The following MCTP1 variants were observed in gnomAD, a reference collection of about 807,000 sequenced individuals.
MCTP1 encodes multiple C2 and transmembrane domain containing 1, also known as multiple C2 and transmembrane domain-containing protein 1.
A neutral mutation model predicts 120.6 loss-of-function variants in MCTP1; 69 were observed. The observed-to-expected ratio is 0.57, with a 90% confidence interval of 0.47 to 0.70. The LOEUF (loss-of-function observed/expected upper bound fraction) is 0.70, where lower values mean the gene tolerates loss of function less well. Ranked by LOEUF, MCTP1 falls within the 30% of genes least tolerant of loss-of-function variation. The pLI, the probability that MCTP1 is intolerant of heterozygous loss-of-function variation, is 0.00. For missense variants in MCTP1, 1,203 were observed against 1,248.8 expected, an observed-to-expected ratio of 0.96 and a Z score of 0.55; for synonymous variants, 529 against 493.1, an observed-to-expected ratio of 1.07 and a Z score of -0.96.
chr5:94,882,697 GATTA>G lies in MCTP1; in HGVS notation c.1933+6178_1933+6181del, dbSNP rs576602533. ...TTGTAATCTTTGTTCTACAGAACCT[GATTA>G]ATTATTTTATAGTATTTCTCTTTCC... On this transcript the variant is annotated intron_variant, in intron 12 of 22. Transcript: ENST00000515393. 1.5e-3 allele frequency among the ~76,000 whole-genome samples: 233 copies of G among 152,160 alleles called. 3 individuals carry two copies. Among genetic ancestry groups the G allele is most frequent in the African/African-American group, 4.4e-3 (182 of 41,544 alleles).
intron 1 of MCTP1, among the ~76,000 whole-genome samples, chr5:95,172,886 A>T (rs10035775): frequency 0.016 from 2,414 of 152,260 alleles, 59 homozygotes; most frequent in African/African-American, 0.055. Context: ...CACAATAAAC[A>T]CCCTAGAGCT....
intron 5 of MCTP1, 51 bp downstream of exon 5, chr5:94,940,033 T>A (rs374089627): frequency 1.8e-6 from 2 of 1,086,014 alleles, no homozygotes; most frequent in South Asian, 2.9e-5. Context: ...AGAGAAAGGC[T>A]CACAACTTTC....
intron 12 of MCTP1, among the ~76,000 whole-genome samples, chr5:94,886,759 C>T (rs768331732): frequency 1.3e-5 from 2 of 152,034 alleles, no homozygotes; most frequent in African/African-American, 2.4e-5. Context: ...TCCACTGAGA[C>T]GCACATCATA....
chr5:95,081,296 T>C (rs1406347671), intron 1 of MCTP1: 45 of 671,512 alleles, frequency 6.7e-5, no homozygotes, highest in Admixed American at 5.8e-4. Context: ...AAATTATCTG[T>C]ATTAGAATCT....
intron 1 of MCTP1, among the ~76,000 whole-genome samples, chr5:95,077,984 T>C (rs1444406596): frequency 7.0e-6 from 1 of 142,860 alleles, no homozygotes; most frequent in East Asian, 2.2e-4. Flanking sequence ...ACATGAGTCA[T>C]GACTCAACAG....
chr5:95,213,189 C>G (rs1402836949), intron 1 of MCTP1, among the ~76,000 whole-genome samples: 3 of 152,004 alleles, frequency 2.0e-5, no homozygotes, highest in Admixed American at 6.6e-5. Context: ...AATCAGTGCA[C>G]AAAATCACAA....
intron 12 of MCTP1, among the ~76,000 whole-genome samples, chr5:94,874,660 C>T (rs1021884481): frequency 3.3e-5 from 5 of 152,000 alleles, no homozygotes; most frequent in African/African-American, 1.2e-4. Flanking sequence ...TTCCTCCAAT[C>T]GTCTTTATCC....
At chr5:94,796,198 A>G (rs933217483) in intron 18 of MCTP1, among the ~76,000 whole-genome samples, 7 of 152,202 alleles carry the variant, frequency 4.6e-5, no homozygotes, top group Admixed American at 1.3e-4. Flanking sequence ...TACAGACCTG[A>G]AGGTCATTTT....
In MCTP1 at chr5:94,792,010, C is replaced by T. The variant is rs78381630; in HGVS notation, c.2556+7003G>A. On this transcript the variant is annotated intron_variant, in intron 18 of 22. Coordinates refer to ENST00000515393, the MANE Select transcript of MCTP1 (RefSeq NM_024717.7). ...AAGACCATCCCAGGATGATGCACCC[C>T]ATAAGAGTACAGCCTTGCAGGGGCT... 4.8e-3 allele frequency: 736 copies of T among 152,506 alleles called. 2 individuals carry two copies. The highest frequency in any genetic ancestry group is 8.4e-3 in the Non-Finnish European group (572 of 68,172). 9.4% of individuals were successfully genotyped at this position (152,506 alleles called of 1,614,324 possible). A position where few individuals can be genotyped will look rare whatever the true frequency, so the allele number is the denominator to read the frequency against.
At chr5:94,795,908 T>C (rs1200778090) in intron 18 of MCTP1, among the ~76,000 whole-genome samples, 2 of 152,240 alleles carry the variant, frequency 1.3e-5, no homozygotes, top group Non-Finnish European at 2.9e-5. Flanking sequence ...GGATTACATC[T>C]GATTTTGCTC....
At chr5:95,010,921 C>G (rs1414248932) in intron 2 of MCTP1, among the ~76,000 whole-genome samples, 1 of 152,108 alleles carries the variant, frequency 6.6e-6, no homozygotes, top group East Asian at 1.9e-4. Flanking sequence ...GCTAGGATAA[C>G]TGATGTCATA....
intron 17 of MCTP1, chr5:94,867,461 G>A: frequency 5.8e-6 from 5 of 869,560 alleles, no homozygotes; most frequent in Non-Finnish European, 3.7e-6. Flanking sequence ...ATGTTGATTT[G>A]TTACTATAAT....
chr5:95,284,137 G>A lies in MCTP1; in HGVS notation c.439C>T (p.Pro147Ser), dbSNP rs1186880200. 6.4e-7 allele frequency: 1 copy of A among 1,554,360 alleles called. No individual in the cohort carries two copies. The highest frequency in any genetic ancestry group is 8.7e-7 in the Non-Finnish European group (1 of 1,149,438). ...AAASGAAGGTPPGGRSPDSAP... is the reference protein window; with the variant it reads ...AAASGAAGGTSPGGRSPDSAP... ...GAGTCGGGGGAGCGTCCGCCAGGAG[G>A]CGTCCCTCCCGCTGCTCCCGAGGCC... is the stretch of plus-strand genomic sequence containing the variant. Residue 147 changes from proline to serine, a missense_variant, in exon 1 of 23, where the codon CCT becomes TCT. Around this residue, in one of 2 missense-constraint regions of MCTP1, gnomAD observed 463 missense variants for 377.8 expected, o/e 1.23. Coordinates refer to ENST00000515393, the MANE Select transcript of MCTP1 (RefSeq NM_024717.7). The surrounding 1 kb of genome is among the most constrained non-coding windows in gnomAD (Gnocchi z 5.2).
At chr5:95,262,798 A>T (rs1245684288) in intron 1 of MCTP1, among the ~76,000 whole-genome samples, 2 of 152,226 alleles carry the variant, frequency 1.3e-5, no homozygotes, top group Non-Finnish European at 2.9e-5. Context: ...TATTAAAAAA[A>T]TAAAAAATAA....
intron 1 of MCTP1, among the ~76,000 whole-genome samples, chr5:95,057,666 C>T (rs967586513): frequency 6.6e-6 from 1 of 152,066 alleles, no homozygotes; most frequent in African/African-American, 2.4e-5. Flanking sequence ...GAATAGTCTC[C>T]CTTTATAAGC....
chr5:94,853,716 C>T (rs765258325), intron 17 of MCTP1, among the ~76,000 whole-genome samples: 2 of 151,926 alleles, frequency 1.3e-5, no homozygotes, highest in Non-Finnish European at 2.9e-5. Flanking sequence ...TACTCTACTG[C>T]TCTACTTGCT....
In MCTP1 at chr5:95,057,522, G is replaced by C. The variant is rs181108894; in HGVS notation, c.721-40038C>G. ...CACAAGCCACTTAGCAAATAAGAAA[G>C]GCATTCAGCCGAAATTCATTCATCT... is the stretch of plus-strand genomic sequence containing the variant. On this transcript the variant is annotated intron_variant, in intron 1 of 22. Transcript: ENST00000515393. 1.9e-3 allele frequency among the ~76,000 whole-genome samples: 283 copies of C among 152,180 alleles called. 1 individual carries two copies. Among genetic ancestry groups the C allele is most frequent in the Middle Eastern group, 0.01 (3 of 294 alleles).
At chr5:94,821,436 T>G (rs1045580967) in intron 17 of MCTP1, among the ~76,000 whole-genome samples, 4 of 152,170 alleles carry the variant, frequency 2.6e-5, no homozygotes, top group Non-Finnish European at 1.5e-5. Context: ...GTCTAGTACT[T>G]GAGCTCTGCA....
At chr5:94,927,416 T>C (rs1262822955) in intron 6 of MCTP1, among the ~76,000 whole-genome samples, 3 of 152,200 alleles carry the variant, frequency 2.0e-5, no homozygotes, top group African/African-American at 7.2e-5. Flanking sequence ...AAAATAATTT[T>C]ATGTTTACTT....
Sources: gnomAD v4.1 joint callset for allele counts (sites outside exome capture counted in the v4.1 genomes callset) on GRCh38, gnomAD v4.1.1 for gene constraint, gnomAD v4.1.1 regional missense constraint, Gnocchi (gnomAD v3.1) non-coding constraint, MANE v1.5 for transcripts, NCBI Gene and HGNC (gene_info 2026-07-23, HGNC 2026-07-21) for gene names.